The following DEFB104B variants were observed in gnomAD, a reference collection of about 807,000 sequenced individuals.
The protein encoded by DEFB104B is beta-defensin 104.
chr8:7,472,004 T>G (rs1810965719), intron 1 of DEFB104B, among the ~76,000 whole-genome samples: 2 of 151,524 alleles, frequency 1.3e-5, no homozygotes, highest in Non-Finnish European at 2.9e-5. Flanking sequence ...CCAATTCATG[T>G]GCTGGATAGG....
At position 7,472,844 on chromosome 8, in the gene DEFB104B, TG is replaced by T. The variant is rs202094848; in HGVS notation, c.58+2166del. ...CGTGTAAGATTTGCTTTGTTTTTTT[TG>T]TTTGTTTGTTTGTTTGTTTGGTTTT... On this transcript the variant is annotated intron_variant, in intron 1 of 1. Transcript: ENST00000316169. Among the ~76,000 whole-genome samples the T allele has an allele frequency of 8.8e-3, 1,148 of 131,102 alleles. 121 individuals are homozygous for T. Among genetic ancestry groups the T allele is most frequent in the Admixed American group, 0.053 (685 of 12,932 alleles). The allele number at this position is 131,102 out of a possible 152,430, so 86.0% of individuals were successfully genotyped here.
rs1410072023 is a variant in DEFB104B at position 7,472,730 on chromosome 8, G to A, written c.59-2214C>T. The stretch of plus-strand genomic sequence containing the variant: ...AGGACACACCTGTGACACAACCTCA[G>A]GAGGTCCTGAGGACATGTGCCCAAG... On this transcript the variant is annotated intron_variant, in intron 1 of 1. Transcript: ENST00000316169. Among the ~76,000 whole-genome samples, 5 of 133,598 alleles carry A rather than the reference G, an allele frequency of 3.7e-5. 1 individual carries two copies. The highest frequency in any genetic ancestry group is 6.0e-5 in the African/African-American group (2 of 33,414). 87.6% of individuals were successfully genotyped at this position (133,598 alleles called of 152,430 possible).
intron 1 of DEFB104B, 79 bp downstream of exon 1, chr8:7,474,932 T>G: frequency 4.2e-6 from 2 of 474,282 alleles, no homozygotes; most frequent in Non-Finnish European, 4.0e-6. Context: ...CAGGATTTAT[T>G]TTCTAAATCA....
At chr8:7,473,057 G>A (rs1232763752) in intron 1 of DEFB104B, among the ~76,000 whole-genome samples, 5 of 142,962 alleles carry the variant, frequency 3.5e-5, no homozygotes, top group Admixed American at 7.3e-5. Flanking sequence ...AGGTTTCACC[G>A]TGTTGGCCAG....
intron 1 of DEFB104B, among the ~76,000 whole-genome samples, chr8:7,471,046 A>C (rs1185549336): frequency 6.6e-6 from 1 of 151,970 alleles, no homozygotes; most frequent in African/African-American, 2.4e-5. Flanking sequence ...AATATTGGGC[A>C]AATCTTTCTC....
chr8:7,473,868 T>C (rs1811038715), intron 1 of DEFB104B, among the ~76,000 whole-genome samples: 3 of 139,608 alleles, frequency 2.1e-5, no homozygotes, highest in Non-Finnish European at 1.6e-5. Flanking sequence ...CGGTGCATTC[T>C]TCGGGATCTG....
chr8:7,474,629 G>A (rs60247995), intron 1 of DEFB104B, among the ~76,000 whole-genome samples: 2 of 141,178 alleles, frequency 1.4e-5, no homozygotes, highest in Non-Finnish European at 3.2e-5. Context: ...ATGGGAGAAG[G>A]CATCTTATTC....
At position 7,473,982 on chromosome 8, in the gene DEFB104B, C is replaced by G. The variant is rs1359214740; in HGVS notation, c.58+1029G>C. ...AAATTGCTATCATATTTTAACAGAC[C>G]TGGAACATGCTCATAGCAGAATTTC... On this transcript the variant is annotated intron_variant, in intron 1 of 1. Coordinates refer to ENST00000316169, the MANE Select transcript of DEFB104B (RefSeq NM_001040702.1). 1.4e-5 allele frequency among the ~76,000 whole-genome samples: 2 copies of G among 139,022 alleles called. 1 individual carries two copies. Among genetic ancestry groups the G allele is most frequent in the Non-Finnish European group, 3.2e-5 (2 of 62,098 alleles). The allele number at this position is 139,022 out of a possible 152,430, so 91.2% of individuals were successfully genotyped here.
intron 1 of DEFB104B, among the ~76,000 whole-genome samples, chr8:7,474,497 C>G (rs1204695970): frequency 7.1e-6 from 1 of 141,736 alleles, no homozygotes; most frequent in Non-Finnish European, 1.6e-5. Context: ...ACGTTCTTGC[C>G]TACTGAAATC....
chr8:7,473,173 G>A (rs1281257443), intron 1 of DEFB104B, among the ~76,000 whole-genome samples: 1 of 92,316 alleles, frequency 1.1e-5, no homozygotes, highest in Non-Finnish European at 2.5e-5. Flanking sequence ...CATTGGTTTG[G>A]TCCAGAAAGG....
intron 1 of DEFB104B, among the ~76,000 whole-genome samples, chr8:7,473,076 C>G (rs866607832): frequency 7.0e-6 from 1 of 143,332 alleles, no homozygotes; most frequent in African/African-American, 2.6e-5. Context: ...AGGCCAGTCT[C>G]GAACTCCTGA....
intron 1 of DEFB104B, among the ~76,000 whole-genome samples, chr8:7,472,061 G>A (rs1464811355): frequency 6.6e-6 from 1 of 150,620 alleles, no homozygotes; most frequent in African/African-American, 2.5e-5. Context: ...CGGGTGATGA[G>A]GAAAGACTGT....
At chr8:7,472,718 GAC>G (rs1810995371) in intron 1 of DEFB104B, among the ~76,000 whole-genome samples, 1 of 132,646 alleles carries the variant, frequency 7.5e-6, no homozygotes, top group South Asian at 2.8e-4. Flanking sequence ...ACACACCTGT[GAC>G]ACAACCTCAG....
intron 1 of DEFB104B, among the ~76,000 whole-genome samples, chr8:7,473,996 T>C (rs1371731382): frequency 5.0e-5 from 7 of 139,504 alleles, no homozygotes; most frequent in African/African-American, 1.8e-4. Context: ...AACATGCTCA[T>C]AGCAGAATTT....
At chr8:7,473,911 G>A (rs1483557736) in intron 1 of DEFB104B, among the ~76,000 whole-genome samples, 1 of 141,504 alleles carries the variant, frequency 7.1e-6, no homozygotes, top group South Asian at 2.3e-4. Context: ...TCCATCCCAA[G>A]TTCTTTGTCT....
intron 1 of DEFB104B, among the ~76,000 whole-genome samples, chr8:7,474,627 AG>A (rs1459257497): frequency 7.1e-6 from 1 of 141,224 alleles, no homozygotes; most frequent in Non-Finnish European, 1.6e-5. Context: ...GGATGGGAGA[AG>A]GCATCTTATT....
intron 1 of DEFB104B, among the ~76,000 whole-genome samples, chr8:7,474,329 T>C (rs1350742941): frequency 2.1e-5 from 3 of 144,950 alleles, no homozygotes; most frequent in African/African-American, 7.6e-5. Flanking sequence ...AGAAGGGAAT[T>C]AGATTAGGTG....
chr8:7,474,132 A>T (rs1415690983), intron 1 of DEFB104B, among the ~76,000 whole-genome samples: 1 of 141,402 alleles, frequency 7.1e-6, no homozygotes, highest in Admixed American at 7.1e-5. Flanking sequence ...CTGGAAGGGT[A>T]AAAAGATGGG....
chr8:7,471,305 T>C (rs1414384379), intron 1 of DEFB104B, among the ~76,000 whole-genome samples: 12 of 123,202 alleles, frequency 9.7e-5, no homozygotes, highest in African/African-American at 3.8e-4. Flanking sequence ...GGCCCATGTT[T>C]ATGTTGCTTA....
Sources: allele counts gnomAD v4.1 joint callset (sites outside exome capture counted in the v4.1 genomes callset), GRCh38; gene constraint gnomAD v4.1.1; transcripts MANE v1.5; gene names NCBI Gene and HGNC (gene_info 2026-07-23, HGNC 2026-07-21).